The following RAI1 variants were observed in gnomAD, a reference collection of about 807,000 sequenced individuals.
RAI1 encodes the protein retinoic acid-induced protein 1.
RAI1 carries 9 observed loss-of-function variants against 123.8 expected under a neutral mutation model. That is an observed-to-expected ratio of 0.07 (90% confidence interval 0.04 to 0.13). The LOEUF (loss-of-function observed/expected upper bound fraction) is 0.13. Among genes scored for constraint, RAI1 ranks in the 10% least tolerant of loss-of-function variants. RAI1 has a pLI of 1.00. For missense variants in RAI1, 2,256 were observed against 2,545.8 expected (o/e 0.89, Z 2.45); for synonymous variants, 1,231 against 1,127.3 (o/e 1.09, Z -1.84).
intron 2 of RAI1, among the ~76,000 whole-genome samples, chr17:17,786,752 G>C (rs949896386): frequency 6.6e-6 from 1 of 152,254 alleles, no homozygotes. Context: ...GGGAGGACAA[G>C]GCTGGGGCCA....
chr17:17,804,034 G>T, intron 4 of RAI1, 185 bp downstream of exon 4: 1 of 714,740 alleles, frequency 1.4e-6, no homozygotes. Context: ...CCAGGGACAT[G>T]GAAATGAGGC....
chr17:17,776,499 T>A (rs967155773), intron 2 of RAI1, among the ~76,000 whole-genome samples: 3 of 152,098 alleles, frequency 2.0e-5, no homozygotes, highest in Non-Finnish European at 4.4e-5. Flanking sequence ...GCCTCCTGAG[T>A]AGCTGGGATT....
chr17:17,700,490 G>A (rs1915183154), intron 1 of RAI1, among the ~76,000 whole-genome samples: 1 of 152,052 alleles, frequency 6.6e-6, no homozygotes, highest in Non-Finnish European at 1.5e-5. Flanking sequence ...TTATGCTAAT[G>A]AGCCCCATTA....
chr17:17,802,621 A>C (rs933816540), intron 3 of RAI1, among the ~76,000 whole-genome samples: 1 of 152,186 alleles, frequency 6.6e-6, no homozygotes, highest in East Asian at 1.9e-4. Context: ...CTAAAAATAC[A>C]AAAAATTAGC....
At chr17:17,717,052 C>A (rs2142916220) in intron 1 of RAI1, among the ~76,000 whole-genome samples, 1 of 152,246 alleles carries the variant, frequency 6.6e-6, no homozygotes, top group East Asian at 1.9e-4. Flanking sequence ...GGTCAGAAGT[C>A]CATTTGTGGA....
chr17:17,757,053 C>A (rs1195584010), intron 2 of RAI1, among the ~76,000 whole-genome samples: 1 of 152,208 alleles, frequency 6.6e-6, no homozygotes, highest in African/African-American at 2.4e-5. Flanking sequence ...CTGGCCACCT[C>A]CATTTACAGA....
chr17:17,753,731 T>A (rs776465197), intron 2 of RAI1, among the ~76,000 whole-genome samples: 1 of 152,134 alleles, frequency 6.6e-6, no homozygotes, highest in African/African-American at 2.4e-5. Context: ...TGATACTCAG[T>A]CTTAAGTCCA....
In RAI1 at chr17:17,793,176, C is replaced by A. The variant is rs764464100; in HGVS notation, c.228C>A (p.Asp76Glu). ...GCACTGCAGCCGCGGTGGCCGCCGA[C>A]AAGTACCACCGAGGCAGCAAGGCCC... is the stretch of plus-strand genomic sequence containing the variant. ...PSGTAAAVAA[D>E]KYHRGSKALP... The change falls in exon 3 of 6, where the codon GAC (aspartate) becomes GAA (glutamate). Residue 76 changes from aspartate (D) to glutamate (E), a missense_variant. By Grantham distance (45) the Asp-to-Glu change is conservative. Around this residue, in one of 7 missense-constraint regions of RAI1, gnomAD observed 336 missense variants for 349.8 expected, o/e 0.96. Transcript: ENST00000353383. 1 of 1,613,090 alleles carries A rather than the reference C, an allele frequency of 6.2e-7. No individual in the cohort carries two copies. Among genetic ancestry groups the A allele is most frequent in the Non-Finnish European group, 8.5e-7 (1 of 1,179,850 alleles).
At chr17:17,735,787 T>G (rs570477231) in intron 2 of RAI1, among the ~76,000 whole-genome samples, 2 of 152,350 alleles carry the variant, frequency 1.3e-5, no homozygotes, top group South Asian at 4.1e-4. Context: ...CTCTCTTTTG[T>G]GGTCCCTTCT....
In RAI1 at chr17:17,810,241, G is replaced by T; in HGVS notation, c.*260G>T. 1.8e-6 allele frequency: 1 copy of T among 544,538 alleles called. No individual in the cohort carries two copies. The highest frequency in any genetic ancestry group is 3.2e-6 in the Non-Finnish European group (1 of 316,316). The allele number at this position is 544,538 out of a possible 1,614,324, so 33.7% of individuals were successfully genotyped here. On this transcript the variant is annotated 3_prime_UTR_variant, in exon 6 of 6. Coordinates refer to ENST00000353383, the MANE Select transcript of RAI1 (RefSeq NM_030665.4). The surrounding 1 kb of genome is among the most constrained non-coding windows in gnomAD (Gnocchi z 4.6). ...CAGGGCGTTCTTGCCCACCCCAGGG[G>T]CCAGGCTTGCGGAGGGGGAGCCCGC... is the stretch of plus-strand genomic sequence containing the variant.
chr17:17,736,293 G>A (rs1482733439), intron 2 of RAI1, among the ~76,000 whole-genome samples: 1 of 152,106 alleles, frequency 6.6e-6, no homozygotes, highest in African/African-American at 2.4e-5. Context: ...CCTGCCCCCA[G>A]GTCAGACCTG....
chr17:17,767,939 C>T (rs550941323), intron 2 of RAI1, among the ~76,000 whole-genome samples: 3 of 152,312 alleles, frequency 2.0e-5, no homozygotes, highest in African/African-American at 7.2e-5. Flanking sequence ...TTTCCCATCT[C>T]GTGATCCTGG....
intron 2 of RAI1, among the ~76,000 whole-genome samples, chr17:17,743,900 C>G (rs1001299311): frequency 3.9e-5 from 6 of 152,228 alleles, no homozygotes; most frequent in Non-Finnish European, 8.8e-5. Context: ...CAGCCCCTGG[C>G]TGGGCCGTAG....
At chr17:17,737,947 G>T (rs1916490232) in intron 2 of RAI1, among the ~76,000 whole-genome samples, 1 of 152,174 alleles carries the variant, frequency 6.6e-6, no homozygotes, top group South Asian at 2.1e-4. Context: ...CAGAGACCCT[G>T]CCCCTGGTGG....
At position 17,800,547 on chromosome 17, in the gene RAI1, A is replaced by G. The variant is rs2032427512; in HGVS notation, c.5565+2034A>G. On this transcript the variant is annotated intron_variant, in intron 3 of 5. Coordinates refer to ENST00000353383, the MANE Select transcript of RAI1 (RefSeq NM_030665.4). This position sits in a 1 kb window ranked among gnomAD's most constrained non-coding sequence, Gnocchi z 4.7. Reference sequence around the variant, plus strand: ...TGGCCCATGGGTGTCTTAACCGCCCATGCACACACAAGGTCCTGCTGGACT... The same window carrying G: ...TGGCCCATGGGTGTCTTAACCGCCCGTGCACACACAAGGTCCTGCTGGACT... Among the ~76,000 whole-genome samples the G allele has an allele frequency of 6.6e-6, 1 of 152,174 alleles. No individual in the cohort carries two copies. Among genetic ancestry groups the G allele is most frequent in the African/African-American group, 2.4e-5 (1 of 41,444 alleles).
At chr17:17,744,586 T>G (rs929210076) in intron 2 of RAI1, among the ~76,000 whole-genome samples, 3 of 151,710 alleles carry the variant, frequency 2.0e-5, no homozygotes, top group Admixed American at 1.3e-4. Flanking sequence ...AGGTCAGGAG[T>G]TCGAGACCAG....
At position 17,779,267 on chromosome 17, in the gene RAI1, A is replaced by G. The variant is rs989202515; in HGVS notation, c.-16-13666A>G. On this transcript the variant is annotated intron_variant, in intron 2 of 5. Coordinates refer to ENST00000353383, the MANE Select transcript of RAI1 (RefSeq NM_030665.4). ...CCGAAGGTCGCTGCTTCTGGTCAGC[A>G]GACTGCGTGTCTGGGGGACTGGCCA... 6.8e-5 allele frequency: 21 copies of G among 308,888 alleles called. No homozygotes were observed. The East Asian group carries it at 1.4e-3, about 21-fold the overall frequency. 19.1% of individuals were successfully genotyped at this position (308,888 alleles called of 1,614,324 possible).
chr17:17,765,546 G>A (rs1025242346), intron 2 of RAI1, among the ~76,000 whole-genome samples: 1 of 152,252 alleles, frequency 6.6e-6, no homozygotes, highest in Non-Finnish European at 1.5e-5. Flanking sequence ...TGAGTCACAC[G>A]GTGGTGTTAT....
At chr17:17,721,250 G>A (rs148276924) in intron 1 of RAI1, among the ~76,000 whole-genome samples, 18 of 152,224 alleles carry the variant, frequency 1.2e-4, no homozygotes, top group African/African-American at 2.9e-4. Flanking sequence ...ATGGGAGGAG[G>A]GCTTGGTTTA....
Sources: gnomAD v4.1 joint callset for allele counts (sites outside exome capture counted in the v4.1 genomes callset) on GRCh38, gnomAD v4.1.1 for gene constraint, gnomAD v4.1.1 regional missense constraint, Gnocchi (gnomAD v3.1) non-coding constraint, MANE v1.5 for transcripts, NCBI Gene and HGNC (gene_info 2026-07-23, HGNC 2026-07-21) for gene names.